The following TAFA4 variants were observed in gnomAD, a reference collection of about 807,000 sequenced individuals.
TAFA4 encodes TAFA chemokine like family member 4, also known as chemokine-like protein TAFA-4.
A neutral mutation model predicts 21.1 loss-of-function variants in TAFA4; 20 were observed. The ratio of observed to expected loss-of-function variants is 0.95; its 90% CI spans 0.67 to 1.38. TAFA4 has a LOEUF of 1.38. Among genes scored for constraint, TAFA4 ranks in the 40% most tolerant of loss-of-function variants. The pLI is 0.00. For missense variants in TAFA4, 211 were observed against 180.9 expected, an observed-to-expected ratio of 1.17 and a Z score of -0.95; for synonymous variants, 71 against 67.4, an observed-to-expected ratio of 1.05 and a Z score of -0.26.
At chr3:68,924,535 AG>A (rs2107029430) in intron 1 of TAFA4, among the ~76,000 whole-genome samples, 1 of 152,302 alleles carries the variant, frequency 6.6e-6, no homozygotes, top group Non-Finnish European at 1.5e-5. Flanking sequence ...ACCACGAAAA[AG>A]GTTCTGTGGA....
At chr3:68,847,131 C>T (rs1436051083) in intron 3 of TAFA4, among the ~76,000 whole-genome samples, 1 of 152,198 alleles carries the variant, frequency 6.6e-6, no homozygotes, top group East Asian at 1.9e-4. Context: ...GTCCCTTCCC[C>T]GAGGTGATCT....
intron 3 of TAFA4, among the ~76,000 whole-genome samples, chr3:68,854,268 G>A (rs1705018413): frequency 6.6e-6 from 1 of 151,982 alleles, no homozygotes; most frequent in East Asian, 1.9e-4. Context: ...GAAGGCTCGT[G>A]TGGCTGAAAC....
At chr3:68,769,607 T>G (rs1009833002) in intron 3 of TAFA4, among the ~76,000 whole-genome samples, 1 of 152,174 alleles carries the variant, frequency 6.6e-6, no homozygotes, top group Admixed American at 6.5e-5. Flanking sequence ...ATGCATGAGG[T>G]GGTGGATACG....
intron 1 of TAFA4, among the ~76,000 whole-genome samples, chr3:68,896,990 G>A (rs1043657699): frequency 1.3e-4 from 20 of 152,104 alleles, no homozygotes; most frequent in Admixed American, 5.9e-4. Context: ...TGCAACCTCC[G>A]CCTCCGGGTT....
At chr3:68,779,473 AATGGTTTC>A (rs1044850471) in intron 3 of TAFA4, among the ~76,000 whole-genome samples, 1 of 152,046 alleles carries the variant, frequency 6.6e-6, no homozygotes, top group African/African-American at 2.4e-5. Flanking sequence ...AGGAGGAAAA[AATGGTTTC>A]ATGAGCTGGG....
intron 3 of TAFA4, among the ~76,000 whole-genome samples, chr3:68,823,101 G>A (rs1180918424): frequency 6.6e-6 from 1 of 152,138 alleles, no homozygotes; most frequent in Non-Finnish European, 1.5e-5. Context: ...GTTTCACCAT[G>A]ATTTCTGGTG....
At chr3:68,749,116 C>G (rs892663216) in intron 4 of TAFA4, among the ~76,000 whole-genome samples, 1 of 152,154 alleles carries the variant, frequency 6.6e-6, no homozygotes, top group African/African-American at 2.4e-5. Context: ...CTCCCAAATC[C>G]CCAATGTATA....
chr3:68,791,982 A>G (rs977050582), intron 3 of TAFA4, among the ~76,000 whole-genome samples: 6 of 152,224 alleles, frequency 3.9e-5, no homozygotes, highest in African/African-American at 1.4e-4. Flanking sequence ...AGAGATTTAG[A>G]TTCTAAAAAA....
chr3:68,773,787 T>C (rs1452954084), intron 3 of TAFA4, among the ~76,000 whole-genome samples: 6 of 152,104 alleles, frequency 3.9e-5, no homozygotes, highest in South Asian at 2.1e-4. Context: ...AAAATTTTCG[T>C]TTGACAGATG....
chr3:68,815,992 A>T (rs1210800163), intron 3 of TAFA4, among the ~76,000 whole-genome samples: 1 of 152,256 alleles, frequency 6.6e-6, no homozygotes, highest in African/African-American at 2.4e-5. Flanking sequence ...GCCATAAAAA[A>T]GGATGCGTTC....
At chr3:68,900,287 AAT>A (rs2089833431) in intron 1 of TAFA4, among the ~76,000 whole-genome samples, 2 of 32,232 alleles carry the variant, frequency 6.2e-5, no homozygotes, top group South Asian at 3.0e-3. Flanking sequence ...TAATAACAAT[AAT>A]AATAATAATA....
intron 4 of TAFA4, 106 bp from the exon 5 acceptor site, chr3:68,739,305 T>C: frequency 7.5e-7 from 1 of 1,332,086 alleles, no homozygotes; most frequent in Middle Eastern, 1.9e-4. Context: ...AGATTGCTAT[T>C]AAATTTACGG....
intron 3 of TAFA4, among the ~76,000 whole-genome samples, chr3:68,781,935 C>T (rs975467490): frequency 3.3e-5 from 5 of 152,102 alleles, no homozygotes; most frequent in Non-Finnish European, 5.9e-5. Context: ...TCATGACTTT[C>T]GATTTAGCAA....
chr3:68,733,052 A>G lies in TAFA4; in HGVS notation c.*90T>C. On this transcript the variant is annotated 3_prime_UTR_variant, in exon 6 of 6. Transcript: ENST00000295569. ...TATGAAGTTGCTGAAATCCTAGACA[A>G]TTTTCTGCAAAGGGGCCATGATGGG... 1 of 1,569,772 alleles carries G rather than the reference A, an allele frequency of 6.4e-7. No homozygotes were observed. The highest frequency in any genetic ancestry group is 1.8e-5 in the Admixed American group (1 of 56,360).
At chr3:68,911,840 G>C (rs1180561480) in intron 1 of TAFA4, among the ~76,000 whole-genome samples, 4 of 152,190 alleles carry the variant, frequency 2.6e-5, no homozygotes, top group African/African-American at 9.7e-5. Flanking sequence ...AGGGCTCAAA[G>C]CTCTTATTAG....
chr3:68,924,371 C>T (rs752420024), intron 1 of TAFA4, among the ~76,000 whole-genome samples: 2 of 150,938 alleles, frequency 1.3e-5, no homozygotes, highest in African/African-American at 2.5e-5. Context: ...TGAGATAAGA[C>T]AGACACAAAA....
rs1356235038 is a variant in TAFA4 at position 68,819,244 on chromosome 3, T to C, written c.130+61486A>G. On this transcript the variant is annotated intron_variant, in intron 3 of 5. Transcript: ENST00000295569. Reference sequence around the variant, plus strand: ...GAAATTGCACTACTGCACACCTGCCTGGGTGACAGAGTGAGACCCTGTCTT... The same window carrying C: ...GAAATTGCACTACTGCACACCTGCCCGGGTGACAGAGTGAGACCCTGTCTT... 4.3e-5 allele frequency among the ~76,000 whole-genome samples: 6 copies of C among 140,304 alleles called. No homozygotes were observed. In the South Asian group the frequency reaches 6.7e-4, roughly 16 times the overall value. The allele number at this position is 140,304 out of a possible 152,430, so 92.0% of individuals were successfully genotyped here.
intron 1 of TAFA4, among the ~76,000 whole-genome samples, chr3:68,904,979 C>T (rs1023756971): frequency 2.6e-5 from 4 of 152,078 alleles, no homozygotes; most frequent in Non-Finnish European, 4.4e-5. Flanking sequence ...CAGGTGGCTG[C>T]TACCCATAAC....
At chr3:68,813,762 T>C (rs1005977971) in intron 3 of TAFA4, among the ~76,000 whole-genome samples, 1 of 152,126 alleles carries the variant, frequency 6.6e-6, no homozygotes, top group Non-Finnish European at 1.5e-5. Context: ...TACCATTCCT[T>C]CTGAAACTAT....
Sources: allele counts gnomAD v4.1 joint callset (sites outside exome capture counted in the v4.1 genomes callset), GRCh38; gene constraint gnomAD v4.1.1; transcripts MANE v1.5; gene names NCBI Gene and HGNC (gene_info 2026-07-23, HGNC 2026-07-21).